FBXO16: variants seen among roughly 807,000 people sequenced by gnomAD.
The protein encoded by FBXO16 is F-box protein 16, also known as F-box only protein 16.
Under a neutral mutation model 41.0 loss-of-function variants are expected in FBXO16, and 31 were observed. That is an observed-to-expected ratio of 0.76 (90% CI 0.57 to 1.02). FBXO16 has a LOEUF of 1.02. FBXO16 is among the 50% of genes least tolerant of loss of function. FBXO16 has a pLI of 0.00. For synonymous variants in FBXO16, 133 were observed against 117.8 expected (o/e 1.13, Z -0.84); for missense variants, 361 against 346.2 (o/e 1.04, Z -0.34).
intron 7 of FBXO16, among the ~76,000 whole-genome samples, chr8:28,445,751 CTTTT>C (rs1163304635): frequency 3.3e-5 from 5 of 152,208 alleles, no homozygotes; most frequent in Middle Eastern, 3.4e-3. Flanking sequence ...CTCTCTCTTT[CTTTT>C]TTCTTTTTTT....
chr8:28,454,520 A>C (rs1430751235), intron 5 of FBXO16, among the ~76,000 whole-genome samples: 2 of 151,656 alleles, frequency 1.3e-5, no homozygotes, highest in East Asian at 3.9e-4. Flanking sequence ...CGAGGTCAGA[A>C]GATCGAGACC....
chr8:28,452,126 A>G (rs1281869978), intron 6 of FBXO16, 118 bp downstream of exon 6: 2 of 960,136 alleles, frequency 2.1e-6, no homozygotes, highest in South Asian at 1.8e-5. Context: ...TTTTGCTTCT[A>G]TGTACTGAAA....
At chr8:28,476,451 G>T (rs1803424593) in intron 2 of FBXO16, among the ~76,000 whole-genome samples, 1 of 152,186 alleles carries the variant, frequency 6.6e-6, no homozygotes, top group Non-Finnish European at 1.5e-5. Context: ...TTCTCAGTTG[G>T]ACTTATAGTC....
At chr8:28,471,392 ACTGGTATC>A (rs1212798408) in intron 3 of FBXO16, among the ~76,000 whole-genome samples, 1 of 151,962 alleles carries the variant, frequency 6.6e-6, no homozygotes, top group Non-Finnish European at 1.5e-5. Flanking sequence ...AAGTAAAAAC[ACTGGTATC>A]CTTATTTCCC....
intron 7 of FBXO16, among the ~76,000 whole-genome samples, chr8:28,441,362 C>G (rs929455435): frequency 6.6e-6 from 1 of 152,196 alleles, no homozygotes; most frequent in Non-Finnish European, 1.5e-5. Flanking sequence ...CCTCCTCTCT[C>G]CCTATGAGTT....
In FBXO16 at chr8:28,444,920, C is replaced by T. The variant is rs140921943; in HGVS notation, c.843+2251G>A. ...TGCTGGGATTACAGGCGTGAGCCAC[C>T]GTGCCCGGCCTATTTCTTCATTTTC... On this transcript the variant is annotated intron_variant, in intron 7 of 8. Coordinates refer to ENST00000380254, the MANE Select transcript of FBXO16 (RefSeq NM_172366.4). 7.3e-3 allele frequency among the ~76,000 whole-genome samples: 1,105 copies of T among 151,526 alleles called. 19 individuals carry two copies. Among genetic ancestry groups the T allele is most frequent in the African/African-American group, 0.025 (1,024 of 41,242 alleles).
intron 1 of FBXO16, among the ~76,000 whole-genome samples, chr8:28,489,870 C>G (rs1463022653): frequency 2.0e-5 from 3 of 152,154 alleles, no homozygotes; most frequent in Admixed American, 1.3e-4. Flanking sequence ...TATCATCAGA[C>G]AAGGGAATCT....
intron 7 of FBXO16, among the ~76,000 whole-genome samples, chr8:28,433,690 A>G (rs1247560516): frequency 2.0e-5 from 3 of 152,132 alleles, no homozygotes; most frequent in Non-Finnish European, 2.9e-5. Flanking sequence ...AAACATACCA[A>G]TGCTTCCTTC....
At position 28,447,339 on chromosome 8, in the gene FBXO16, C is replaced by G. The variant is rs1802881137; in HGVS notation, c.741-66G>C. On this transcript the variant is annotated intron_variant, in intron 6 of 8. Coordinates refer to ENST00000380254, the MANE Select transcript of FBXO16 (RefSeq NM_172366.4). ...TTTAAAACTCAGGTGGTTTGCATAG[C>G]TATTTGTCTGTTTGAGTTTGTTGTT... 4 of 1,346,852 alleles carry G rather than the reference C, an allele frequency of 3.0e-6. No homozygotes were observed. In the Admixed American group the frequency reaches 7.4e-5, roughly 25 times the overall value. The allele number at this position is 1,346,852 out of a possible 1,614,324, so 83.4% of individuals were successfully genotyped here. A position where few individuals can be genotyped will look rare whatever the true frequency, so the allele number is the denominator to read the frequency against.
chr8:28,453,616 G>A (rs1416564866), intron 5 of FBXO16, among the ~76,000 whole-genome samples: 2 of 151,886 alleles, frequency 1.3e-5, no homozygotes, highest in Non-Finnish European at 2.9e-5. Flanking sequence ...GGGAAGCTTT[G>A]CTTGGTAAAT....
chr8:28,428,781 C>T, intron 8 of FBXO16, 45 bp from the exon 9 acceptor site: 2 of 1,464,412 alleles, frequency 1.4e-6, no homozygotes, highest in South Asian at 1.5e-5. Context: ...TATTGAAATA[C>T]CAAGGGAGCT....
chr8:28,460,106 C>T (rs1371129559), intron 4 of FBXO16, among the ~76,000 whole-genome samples: 1 of 150,996 alleles, frequency 6.6e-6, no homozygotes, highest in Non-Finnish European at 1.5e-5. Flanking sequence ...AAGGAAGTCC[C>T]TCTCCCATCA....
At chr8:28,428,813 A>G in intron 8 of FBXO16, 77 bp from the exon 9 acceptor site, 1 of 1,421,546 alleles carries the variant, frequency 7.0e-7, no homozygotes, top group Non-Finnish European at 9.3e-7. Flanking sequence ...CTTATTTTTA[A>G]TGACATAAAA....
chr8:28,476,537 A>G (rs1394236312), intron 2 of FBXO16, among the ~76,000 whole-genome samples: 2 of 152,220 alleles, frequency 1.3e-5, no homozygotes, highest in East Asian at 3.8e-4. Context: ...GAGCTGGAAA[A>G]CAAAGTATTT....
intron 4 of FBXO16, among the ~76,000 whole-genome samples, chr8:28,459,575 G>A (rs1169271470): frequency 2.0e-5 from 3 of 150,410 alleles, no homozygotes; most frequent in African/African-American, 4.9e-5. Context: ...AGCCGAGATC[G>A]AGCCATTGCA....
intron 5 of FBXO16, among the ~76,000 whole-genome samples, chr8:28,456,376 T>C (rs1803039378): frequency 6.6e-6 from 1 of 152,180 alleles, no homozygotes; most frequent in Admixed American, 6.5e-5. Context: ...GCTCACCTGG[T>C]AGAATCACAG....
At chr8:28,446,452 C>T (rs562167970) in intron 7 of FBXO16, among the ~76,000 whole-genome samples, 193 of 151,518 alleles carry the variant, frequency 1.3e-3, no homozygotes, top group African/African-American at 4.4e-3. Context: ...GGATTACAGG[C>T]GTGAGCCACC....
chr8:28,448,284 T>C (rs1802897396), intron 6 of FBXO16, among the ~76,000 whole-genome samples: 1 of 139,556 alleles, frequency 7.2e-6, no homozygotes, highest in Admixed American at 8.0e-5. Flanking sequence ...CAAGCTGCAG[T>C]GAGCCATGAC....
intron 7 of FBXO16, among the ~76,000 whole-genome samples, chr8:28,432,855 G>A (rs932877074): frequency 9.2e-5 from 14 of 151,996 alleles, no homozygotes; most frequent in African/African-American, 3.1e-4. Context: ...TCAGGCATTC[G>A]AGACCAGCCT....
Sources: allele counts gnomAD v4.1 joint callset (sites outside exome capture counted in the v4.1 genomes callset), GRCh38; gene constraint gnomAD v4.1.1; transcripts MANE v1.5; gene names NCBI Gene and HGNC (gene_info 2026-07-23, HGNC 2026-07-21).